Variants in MKRN2OS observed in about 807,000 individuals in gnomAD.
The protein encoded by MKRN2OS is MKRN2 opposite strand protein.
MKRN2OS carries 17 observed loss-of-function variants against 18.2 expected under a neutral mutation model. The ratio of observed to expected loss-of-function variants is 0.93; its 90% confidence interval spans 0.64 to 1.40. MKRN2OS has a LOEUF of 1.40. MKRN2OS is among the 40% of genes most tolerant of loss of function. The probability of loss-of-function intolerance (pLI) is 0.00; values close to 1 mark genes in which losing one functional copy is unlikely to be tolerated. For missense variants in MKRN2OS, 337 were observed against 283.0 expected (o/e 1.19, Z -1.37); for synonymous variants, 121 against 108.5 (o/e 1.12, Z -0.72).
At chr3:12,547,021 G>A (rs1021817398), upstream of MKRN2OS, among the ~76,000 whole-genome samples, 2 of 152,122 alleles carry the variant, frequency 1.3e-5, no homozygotes, top group African/African-American at 2.4e-5. Context: ...GATGGGAGGA[G>A]TGCTTGAGCC....
chr3:12,541,903 A>G lies in MKRN2OS; in HGVS notation c.388T>C (p.Tyr130His), dbSNP rs1163782287. Reference sequence around the variant, plus strand: ...CCCGAGGTGGAGAAGTCTTCCAGGTACTTGTCCCATTGCTCCATCATTCCA... The same window carrying G: ...CCCGAGGTGGAGAAGTCTTCCAGGTGCTTGTCCCATTGCTCCATCATTCCA... ...MYGMMEQWDK[Y>H]LEDFSTSGAW... is the part of the protein sequence containing the mutation. Residue 130 changes from tyrosine (Y) to histidine (H), a missense_variant, in exon 3 of 4, where the codon TAC becomes CAC. Tyr to His is a moderately conservative substitution (Grantham distance 83). Coordinates refer to ENST00000564146, the MANE Select transcript of MKRN2OS (RefSeq NM_001195279.2). 2.0e-6 allele frequency: 3 copies of G among 1,536,034 alleles called. No homozygotes were observed. The highest frequency in any genetic ancestry group is 4.9e-5 in the East Asian group (2 of 40,904).
At position 12,540,014 on chromosome 3, in the gene MKRN2OS, A is replaced by G. The variant is rs2057770813; in HGVS notation, c.*179T>C. On this transcript the variant is annotated 3_prime_UTR_variant, in exon 4 of 4. Coordinates refer to ENST00000564146, the MANE Select transcript of MKRN2OS (RefSeq NM_001195279.2). Reference sequence around the variant, plus strand: ...TGGTCAGGCTGGTCTCAAACTCCCAACCTCAGGTGACCTACCTGTCTTAGC... The same window carrying G: ...TGGTCAGGCTGGTCTCAAACTCCCAGCCTCAGGTGACCTACCTGTCTTAGC... 1 of 807,838 alleles carries G rather than the reference A, an allele frequency of 1.2e-6. No homozygotes were observed. Among genetic ancestry groups the G allele is most frequent in the Non-Finnish European group, 1.9e-6 (1 of 526,138 alleles). The allele number at this position is 807,838 out of a possible 1,614,324, so 50.0% of individuals were successfully genotyped here.
intron 1 of MKRN2OS, among the ~76,000 whole-genome samples, chr3:12,558,283 C>T (rs1043373930): frequency 6.6e-6 from 1 of 152,126 alleles, no homozygotes; most frequent in Non-Finnish European, 1.5e-5. Flanking sequence ...AAATTTGCAC[C>T]TAGTGTCTAT....
Position 12,540,406 on chromosome 3 carries a change from G to GC in MKRN2OS, c.458_459insG (p.Tyr153Ter). 3.3e-6 allele frequency: 5 copies of GC among 1,536,148 alleles called. No individual in the cohort carries two copies. Among genetic ancestry groups the GC allele is most frequent in the Non-Finnish European group, 4.4e-6 (5 of 1,146,906 alleles). The change falls in exon 4 of 4, where the codon TAC becomes TAGC. Residue 153 changes from tyrosine (Y) to a stop codon, truncating the protein, a stop_gained and frameshift_variant. Transcript: ENST00000564146. LOFTEE classifies it low-confidence loss of function (END_TRUNC). Reference sequence around the variant, plus strand: ...AGTTAATGAACGTGAGTGCGTAAGAGTAGCAGTTATGGTGGTTGTCTTCAT... The same window carrying GC: ...AGTTAATGAACGTGAGTGCGTAAGAGCTAGCAGTTATGGTGGTTGTCTTCAT... ...HRYEDNHHNC[Y>*]SYALTFINCV...
upstream of MKRN2OS, among the ~76,000 whole-genome samples, chr3:12,546,501 A>G (rs1007260919): frequency 2.0e-5 from 3 of 151,690 alleles, no homozygotes; most frequent in African/African-American, 7.3e-5. Flanking sequence ...TAATTTTTCA[A>G]TTTTAAAATA....
intron 1 of MKRN2OS, among the ~76,000 whole-genome samples, chr3:12,543,624 G>C (rs187632855): frequency 3.3e-5 from 5 of 150,082 alleles, no homozygotes; most frequent in African/African-American, 1.2e-4. Flanking sequence ...AGTGGCTCAC[G>C]CCTGTAATCT....
At chr3:12,554,388 G>A (rs2057950457) in intron 1 of MKRN2OS, among the ~76,000 whole-genome samples, 1 of 152,136 alleles carries the variant, frequency 6.6e-6, no homozygotes, top group South Asian at 2.1e-4. Context: ...CATGACAGTG[G>A]CAGGAACCAA....
chr3:12,557,035 G>GC, intron 1 of MKRN2OS: 1 of 1,139,882 alleles, frequency 8.8e-7, no homozygotes. Flanking sequence ...GGCGGCGTGC[G>GC]CCGGCGTGCG....
downstream of MKRN2OS, among the ~76,000 whole-genome samples, chr3:12,551,301 C>T (rs1352071564): frequency 6.6e-6 from 1 of 151,626 alleles, no homozygotes; most frequent in African/African-American, 2.4e-5. Flanking sequence ...TGAGACCAGC[C>T]TGGCCAAAAT....
intron 2 of MKRN2OS, 108 bp downstream of exon 2, chr3:12,543,072 G>A: frequency 1.1e-6 from 1 of 909,360 alleles, no homozygotes; most frequent in Non-Finnish European, 1.7e-6. Flanking sequence ...CAAGAACCCA[G>A]TGAACAATGG....
chr3:12,542,439 T>C, intron 2 of MKRN2OS, among the ~76,000 whole-genome samples: 1 of 152,198 alleles, frequency 6.6e-6, no homozygotes, highest in East Asian at 1.9e-4. Context: ...ATGACTGTTC[T>C]TGTGGGTAAC....
At chr3:12,541,558 C>T (rs962579579) in intron 3 of MKRN2OS, among the ~76,000 whole-genome samples, 2 of 152,014 alleles carry the variant, frequency 1.3e-5, no homozygotes, top group African/African-American at 4.8e-5. Context: ...AATATAATAT[C>T]GTGACTTGCT....
At chr3:12,551,560 A>C (rs1366725468), downstream of MKRN2OS, among the ~76,000 whole-genome samples, 1 of 152,196 alleles carries the variant, frequency 6.6e-6, no homozygotes, top group Admixed American at 6.5e-5. Context: ...AATCCAAAGG[A>C]ATACACGAAA....
In MKRN2OS at chr3:12,540,054, G is replaced by C. The variant is rs2057771513; in HGVS notation, c.*139C>G. 1.6e-6 allele frequency: 2 copies of C among 1,268,544 alleles called. No individual in the cohort carries two copies. Among genetic ancestry groups the C allele is most frequent in the South Asian group, 1.5e-5 (1 of 68,860 alleles). The allele number at this position is 1,268,544 out of a possible 1,614,324, so 78.6% of individuals were successfully genotyped here. On this transcript the variant is annotated 3_prime_UTR_variant, in exon 4 of 4. Transcript: ENST00000564146. ...CCTGTCTTAGCTTCCCAAAGTGCTG[G>C]GATTACAGGTGTGAGCCACCATGCC...
downstream of MKRN2OS, among the ~76,000 whole-genome samples, chr3:12,550,915 ATTT>A: frequency 6.6e-6 from 1 of 152,320 alleles, no homozygotes. Context: ...GTACATATCC[ATTT>A]GATTCCTTAA....
At chr3:12,556,206 C>A (rs886800633) in intron 1 of MKRN2OS, among the ~76,000 whole-genome samples, 8 of 152,044 alleles carry the variant, frequency 5.3e-5, no homozygotes, top group African/African-American at 1.9e-4. Context: ...TATCGCATGG[C>A]TGGCCAGGCG....
downstream of MKRN2OS, among the ~76,000 whole-genome samples, chr3:12,551,494 CAA>C (rs11454728): frequency 8.5e-6 from 1 of 117,578 alleles, no homozygotes. Context: ...GACTCCATCT[CAA>C]AAAAAAAAAA....
upstream of MKRN2OS, among the ~76,000 whole-genome samples, chr3:12,549,686 T>G (rs951683965): frequency 2.6e-5 from 4 of 152,226 alleles, no homozygotes; most frequent in African/African-American, 9.6e-5. Context: ...CAGCTGGAAC[T>G]ACAGATGCAT....
At chr3:12,557,100 C>T (rs1003244279) in intron 1 of MKRN2OS, 122 of 1,481,702 alleles carry the variant, frequency 8.2e-5, no homozygotes, top group Non-Finnish European at 9.9e-5. Flanking sequence ...GCCGAGGCGG[C>T]AGCGGCTGCG....
Sources: allele counts gnomAD v4.1 joint callset (sites outside exome capture counted in the v4.1 genomes callset), GRCh38; gene constraint gnomAD v4.1.1; transcripts MANE v1.5; gene names NCBI Gene and HGNC (gene_info 2026-07-23, HGNC 2026-07-21).